The following AKAP9 variants were observed in gnomAD, a reference collection of about 807,000 sequenced individuals.
The protein encoded by AKAP9 is A-kinase anchor protein 9.
A neutral mutation model predicts 488.5 loss-of-function variants in AKAP9; 311 were observed. That is an observed-to-expected ratio of 0.64 (90% CI 0.58 to 0.70). The LOEUF (loss-of-function observed/expected upper bound fraction) is 0.70, where lower values mean the gene tolerates loss of function less well. Ranked by LOEUF, AKAP9 falls within the 30% of genes least tolerant of loss-of-function variation. The pLI, the probability that AKAP9 is intolerant of heterozygous loss-of-function variation, is 0.00. For synonymous variants in AKAP9, 1,462 were observed against 1,483.5 expected (o/e 0.99, Z 0.33); for missense variants, 4,215 against 4,374.5 (o/e 0.96, Z 1.03).
At chr7:92,022,708 A>T in intron 13 of AKAP9, 106 bp from the exon 14 acceptor site, 1 of 794,988 alleles carries the variant, frequency 1.3e-6, no homozygotes, top group Non-Finnish European at 2.0e-6. Flanking sequence ...CACTAAAAAC[A>T]TACTTTTTCA....
intron 3 of AKAP9, among the ~76,000 whole-genome samples, chr7:91,984,984 A>G (rs987952696): frequency 1.3e-4 from 20 of 152,202 alleles, no homozygotes; most frequent in African/African-American, 4.8e-4. Context: ...TTGATTTTGT[A>G]TCCTGAGACT....
In AKAP9 at chr7:92,077,801, G is replaced by C; in HGVS notation, c.6871G>C (p.Glu2291Gln). 1 of 1,613,734 alleles carries C rather than the reference G, an allele frequency of 6.2e-7. No homozygotes were observed. The highest frequency in any genetic ancestry group is 8.5e-7 in the Non-Finnish European group (1 of 1,179,848). The stretch of plus-strand genomic sequence containing the variant: ...ATTTGCTCAAATAATACAGGAAAAA[G>C]AGGTAGAAATTGACCAATTAAATGA... Reference protein sequence around the residue: ...GKFAQIIQEKEVEIDQLNEQV... With the variant: ...GKFAQIIQEKQVEIDQLNEQV... The change falls in exon 30 of 50, where the codon GAG becomes CAG. Residue 2291 changes from glutamate (E) to glutamine (Q), a missense_variant. Physicochemically the swap from Glu to Gln is conservative, Grantham distance 29. Coordinates refer to ENST00000356239, the MANE Select transcript of AKAP9 (RefSeq NM_005751.5).
At chr7:92,014,850 G>A (rs777925037) in intron 10 of AKAP9, among the ~76,000 whole-genome samples, 1 of 152,074 alleles carries the variant, frequency 6.6e-6, no homozygotes, top group East Asian at 1.9e-4. Flanking sequence ...AAATTATCTC[G>A]CCTGTAGAAC....
At chr7:92,047,481 A>G (rs1410473209) in intron 21 of AKAP9, among the ~76,000 whole-genome samples, 1 of 152,220 alleles carries the variant, frequency 6.6e-6, no homozygotes, top group East Asian at 1.9e-4. Context: ...GGCCTCCCAA[A>G]GTGCTAGAAT....
chr7:91,975,898 A>G (rs1471117313), intron 2 of AKAP9, among the ~76,000 whole-genome samples: 2 of 116,832 alleles, frequency 1.7e-5, no homozygotes, highest in East Asian at 2.2e-4. Context: ...TTTTTAGTTT[A>G]TTGGTTTGTT....
chr7:92,001,088 T>C lies in AKAP9; in HGVS notation c.1171T>C (p.Ser391Pro), dbSNP rs987571304. 1 of 1,613,800 alleles carries C rather than the reference T, an allele frequency of 6.2e-7. No homozygotes were observed. Among genetic ancestry groups the C allele is most frequent in the Non-Finnish European group, 8.5e-7 (1 of 1,179,874 alleles). ...TTCTAAGCAAAAAGAAAGACAGTCTTCTGAAGAAATAAAACAGTTAATGGG... is the reference window on the plus strand; with the variant it reads ...TTCTAAGCAAAAAGAAAGACAGTCTCCTGAAGAAATAAAACAGTTAATGGG... ...TNSKQKERQS[S>P]EEIKQLMGTV... The change falls in exon 8 of 50, where the codon TCT becomes CCT. Residue 391 changes from serine to proline, a missense_variant. Physicochemically the swap from Ser to Pro is moderately conservative, Grantham distance 74. This residue lies in a region of AKAP9 where 2,361 missense variants were observed against 2,430.0 expected (regional missense o/e 0.97). Coordinates refer to ENST00000356239, the MANE Select transcript of AKAP9 (RefSeq NM_005751.5).
rs1805567106 is a variant in AKAP9 at position 92,038,698 on chromosome 7, G to A, written c.4618G>A (p.Glu1540Lys). Residue 1540 changes from glutamate to lysine, a missense_variant, in exon 17 of 50, where the codon GAA (glutamate) becomes AAA (lysine). By Grantham distance (56) the Glu-to-Lys change is moderately conservative. Around this residue, in one of 5 missense-constraint regions of AKAP9, gnomAD observed 2,361 missense variants for 2,430.0 expected, o/e 0.97. Coordinates refer to ENST00000356239, the MANE Select transcript of AKAP9 (RefSeq NM_005751.5). Reference sequence around the variant, plus strand: ...AAATAGTGATCCCCATGATATACCAGAATCAAAGGACTGTGTGCTGACTAT... The same window carrying A: ...AAATAGTGATCCCCATGATATACCAAAATCAAAGGACTGTGTGCTGACTAT... ...LSNSDPHDIP[E>K]SKDCVLTISE... is the part of the protein sequence containing the mutation. 1 of 1,607,026 alleles carries A rather than the reference G, an allele frequency of 6.2e-7. No individual in the cohort carries two copies. The highest frequency in any genetic ancestry group is 2.2e-5 in the East Asian group (1 of 44,774).
chr7:91,943,525 G>A (rs1584505563), intron 1 of AKAP9, among the ~76,000 whole-genome samples: 1 of 152,354 alleles, frequency 6.6e-6, no homozygotes, highest in Middle Eastern at 3.4e-3. Flanking sequence ...TAGTGGGAGA[G>A]ACAGACTCTG....
chr7:92,084,844 A>T lies in AKAP9; in HGVS notation c.8736A>T (p.Gly2912=), dbSNP rs765137550. 6.2e-7 allele frequency: 1 copy of T among 1,613,330 alleles called. No homozygotes were observed. The highest frequency in any genetic ancestry group is 8.5e-7 in the Non-Finnish European group (1 of 1,179,684). ...SSDSGSDWGQ[G]IYLTHSQGFD... is the part of the protein sequence containing the mutation. Reference sequence around the variant, plus strand: ...ATTCTGGATCAGACTGGGGTCAGGGAATTTATCTTACACACAGTCAGGGAT... The same window carrying T: ...ATTCTGGATCAGACTGGGGTCAGGGTATTTATCTTACACACAGTCAGGGAT... The change falls in exon 35 of 50, where the codon GGA becomes GGT. Residue 2912 remains glycine (G), a synonymous_variant. Transcript: ENST00000356239.
intron 10 of AKAP9, among the ~76,000 whole-genome samples, chr7:92,014,940 CAA>C (rs1801301797): frequency 6.6e-6 from 1 of 151,964 alleles, no homozygotes; most frequent in Admixed American, 6.6e-5. Flanking sequence ...TAGAGTGAGC[CAA>C]AACACTAAGA....
chr7:92,002,775 T>C lies in AKAP9; in HGVS notation c.2858T>C (p.Leu953Ser). ...EKLEVTKREK[L>S]ELSQRLSDLS... ...CTTGAGGTAACCAAGCGAGAGAAAT[T>C]AGAGCTGTCACAGAGACTGTCTGAT... The change falls in exon 8 of 50, where the codon TTA becomes TCA. Residue 953 changes from leucine to serine, a missense_variant. This residue lies in a region of AKAP9 where 2,361 missense variants were observed against 2,430.0 expected (regional missense o/e 0.97). Transcript: ENST00000356239. 4.3e-6 allele frequency: 7 copies of C among 1,613,680 alleles called. No individual in the cohort carries two copies. In the South Asian group the frequency reaches 6.6e-5, roughly 15 times the overall value.
chr7:92,022,381 GTGTTTT>G, intron 13 of AKAP9, 29 bp downstream of exon 13: 1 of 1,449,950 alleles, frequency 6.9e-7, no homozygotes, highest in Non-Finnish European at 9.7e-7. Flanking sequence ...CCACAATGTG[GTGTTTT>G]TATAGCAAAT....
chr7:91,966,746 G>A (rs997311107), intron 1 of AKAP9, among the ~76,000 whole-genome samples: 2 of 152,112 alleles, frequency 1.3e-5, no homozygotes, highest in Non-Finnish European at 2.9e-5. Flanking sequence ...TGGCTTTGTA[G>A]TATATTTTGA....
chr7:92,070,833 A>C, intron 27 of AKAP9, 72 bp from the exon 28 acceptor site: 2 of 1,143,694 alleles, frequency 1.7e-6, no homozygotes, highest in Non-Finnish European at 1.3e-6. Context: ...AAAGCAGACC[A>C]AAAAACAAAA....
chr7:91,964,717 A>G (rs1296421965), intron 1 of AKAP9, among the ~76,000 whole-genome samples: 2 of 152,132 alleles, frequency 1.3e-5, no homozygotes, highest in African/African-American at 4.8e-5. Flanking sequence ...ATACTCATAT[A>G]TCTTTAACAC....
In AKAP9 at chr7:91,999,889, C is replaced by CT. The variant is rs1798929047; in HGVS notation, c.931-956dup. 3.3e-5 allele frequency among the ~76,000 whole-genome samples: 5 copies of CT among 150,692 alleles called. No individual in the cohort carries two copies. In the South Asian group the frequency reaches 1.1e-3, roughly 32 times the overall value. ...TCATTCATTCATTCATTCAAGGCAC[C>CT]TTTAAGTCCTGTTTGCCTGGGACTC... On this transcript the variant is annotated intron_variant, in intron 7 of 49. Coordinates refer to ENST00000356239, the MANE Select transcript of AKAP9 (RefSeq NM_005751.5).
chr7:92,041,784 A>T, intron 18 of AKAP9: 1 of 353,134 alleles, frequency 2.8e-6, no homozygotes, highest in East Asian at 5.4e-5. Flanking sequence ...GTGAATTCAA[A>T]CTTCTTAATT....
rs373201110 is a variant in AKAP9 at position 92,020,008 on chromosome 7, C to T, written c.3838-2230C>T. Among the ~76,000 whole-genome samples the T allele has an allele frequency of 5.5e-4, 82 of 150,330 alleles. No homozygotes were observed. The South Asian group carries it at 0.016, about 29-fold the overall frequency. On this transcript the variant is annotated intron_variant, in intron 12 of 49. Coordinates refer to ENST00000356239, the MANE Select transcript of AKAP9 (RefSeq NM_005751.5). ...CAGCCTGGGCAACAGAGTGAGACTC[C>T]ATCTCAAAAAAAAAAATAGAAAAGA...
chr7:92,019,454 T>G (rs1021092500), intron 12 of AKAP9, among the ~76,000 whole-genome samples: 26 of 151,952 alleles, frequency 1.7e-4, no homozygotes, highest in South Asian at 6.2e-4. Flanking sequence ...TATTTATTTA[T>G]TTATTTATTT....
Sources: gnomAD v4.1 joint callset for allele counts (sites outside exome capture counted in the v4.1 genomes callset) on GRCh38, gnomAD v4.1.1 for gene constraint, gnomAD v4.1.1 regional missense constraint, MANE v1.5 for transcripts, NCBI Gene and HGNC (gene_info 2026-07-23, HGNC 2026-07-21) for gene names.